Variants in CSMD1 observed in about 807,000 individuals in gnomAD.
CSMD1 encodes CUB and sushi domain-containing protein 1.
CSMD1 carries 213 observed loss-of-function variants against 417.5 expected under a neutral mutation model. The observed-to-expected ratio is 0.51, with a 90% CI of 0.46 to 0.57. CSMD1 has a LOEUF of 0.57. CSMD1 is among the 20% of genes least tolerant of loss of function. The probability of loss-of-function intolerance (pLI) is 0.00; values close to 1 mark genes in which losing one functional copy is unlikely to be tolerated. For synonymous variants in CSMD1, 2,862 were observed against 1,736.8 expected, an observed-to-expected ratio of 1.65 and a Z score of -16.11; for missense variants, 6,923 against 4,529.7, an observed-to-expected ratio of 1.53 and a Z score of -15.17.
chr8:4,311,839 C>A (rs143752361), intron 3 of CSMD1, among the ~76,000 whole-genome samples: 3 of 151,750 alleles, frequency 2.0e-5, no homozygotes, highest in African/African-American at 4.8e-5. Flanking sequence ...AGGAGAGGAG[C>A]GGAAAAGATC....
At chr8:3,542,866 G>A (rs937157692) in intron 10 of CSMD1, among the ~76,000 whole-genome samples, 1 of 152,156 alleles carries the variant, frequency 6.6e-6, no homozygotes, top group Non-Finnish European at 1.5e-5. Flanking sequence ...GCTTTCCCGT[G>A]TCCCTCAGCT....
chr8:4,207,280 T>A (rs1800035777), intron 3 of CSMD1, among the ~76,000 whole-genome samples: 1 of 152,158 alleles, frequency 6.6e-6, no homozygotes, highest in Non-Finnish European at 1.5e-5. Flanking sequence ...AACTGTACAA[T>A]TATGGCTGGT....
In CSMD1 at chr8:2,982,942, T is replaced by TA. The variant is rs542414460; in HGVS notation, c.8378-4143dup. Among the ~76,000 whole-genome samples, 79 of 152,122 alleles carry TA rather than the reference T, an allele frequency of 5.2e-4. No individual in the cohort carries two copies. In the East Asian group the frequency reaches 0.015, roughly 28 times the overall value. On this transcript the variant is annotated intron_variant, in intron 54 of 69. Transcript: ENST00000635120. Reference sequence around the variant, plus strand: ...TGAAGGGCAGTAACAGGGCATCACATAAGAGTCTGGTGTCCTCTCCATGGC... The same window carrying TA: ...TGAAGGGCAGTAACAGGGCATCACATAAAGAGTCTGGTGTCCTCTCCATGGC...
intron 3 of CSMD1, among the ~76,000 whole-genome samples, chr8:4,088,104 G>C (rs1056455095): frequency 3.3e-5 from 5 of 152,222 alleles, no homozygotes; most frequent in Non-Finnish European, 7.3e-5. Context: ...AGGAGAAAGA[G>C]GAAGGATAGC....
intron 10 of CSMD1, among the ~76,000 whole-genome samples, chr8:3,495,818 G>C (rs1451958043): frequency 6.6e-6 from 1 of 152,186 alleles, no homozygotes; most frequent in Admixed American, 6.5e-5. Context: ...AGTTCCTACA[G>C]CATATGCACC....
intron 10 of CSMD1, among the ~76,000 whole-genome samples, chr8:3,569,188 C>T (rs1370426337): frequency 1.3e-5 from 2 of 152,100 alleles, no homozygotes; most frequent in Non-Finnish European, 2.9e-5. Flanking sequence ...TTATAACTTC[C>T]TGAATAGAAA....
At chr8:3,846,700 C>T (rs1803528505) in intron 5 of CSMD1, among the ~76,000 whole-genome samples, 1 of 152,100 alleles carries the variant, frequency 6.6e-6, no homozygotes, top group Non-Finnish European at 1.5e-5. Context: ...CTCTGTCGCC[C>T]AGGCTGGAGT....
At chr8:4,323,671 C>T (rs1332290555) in intron 3 of CSMD1, among the ~76,000 whole-genome samples, 3 of 152,054 alleles carry the variant, frequency 2.0e-5, no homozygotes, top group East Asian at 3.9e-4. Context: ...ACTCTACAAA[C>T]AAGAATTATA....
chr8:3,038,713 ATT>A (rs1445193996), intron 50 of CSMD1, among the ~76,000 whole-genome samples: 1 of 152,152 alleles, frequency 6.6e-6, no homozygotes, highest in East Asian at 1.9e-4. Context: ...TCGCTTAAGT[ATT>A]CTTTCCTAAT....
At chr8:2,956,471 A>AT (rs995365160) in intron 63 of CSMD1, among the ~76,000 whole-genome samples, 1 of 151,576 alleles carries the variant, frequency 6.6e-6, no homozygotes, top group African/African-American at 2.4e-5. Context: ...TTTTTTATTT[A>AT]TTTTTTGAGT....
intron 5 of CSMD1, among the ~76,000 whole-genome samples, chr8:3,925,238 C>G (rs1809566769): frequency 1.3e-5 from 2 of 152,154 alleles, no homozygotes; most frequent in African/African-American, 4.8e-5. Flanking sequence ...TTTACAGCGA[C>G]CTATAAGTAA....
At chr8:4,245,880 G>A (rs187754090) in intron 3 of CSMD1, among the ~76,000 whole-genome samples, 1 of 152,038 alleles carries the variant, frequency 6.6e-6, no homozygotes, top group Admixed American at 6.6e-5. Context: ...ATCTCACAGG[G>A]TATACTTTTC....
chr8:3,578,124 C>T (rs943063812), intron 9 of CSMD1, among the ~76,000 whole-genome samples: 2 of 152,216 alleles, frequency 1.3e-5, no homozygotes, highest in African/African-American at 4.8e-5. Flanking sequence ...CTAGCACACC[C>T]ACTGTCTTCC....
chr8:3,951,384 A>C (rs902566185), intron 5 of CSMD1, among the ~76,000 whole-genome samples: 1 of 152,312 alleles, frequency 6.6e-6, no homozygotes, highest in Middle Eastern at 3.4e-3. Context: ...TTGTTAATTA[A>C]ATGAATGCAA....
At chr8:4,410,156 G>C (rs920939313) in intron 3 of CSMD1, among the ~76,000 whole-genome samples, 5 of 152,108 alleles carry the variant, frequency 3.3e-5, no homozygotes, top group Non-Finnish European at 5.9e-5. Flanking sequence ...GGCTAATCTA[G>C]GCCAAATGGA....
chr8:3,743,528 G>A (rs1440690389), intron 6 of CSMD1, among the ~76,000 whole-genome samples: 1 of 152,172 alleles, frequency 6.6e-6, no homozygotes, highest in Non-Finnish European at 1.5e-5. Context: ...AGAAACAAGG[G>A]TGGTTGCAGG....
At chr8:3,733,359 AAT>A (rs1478954984) in intron 6 of CSMD1, among the ~76,000 whole-genome samples, 2 of 147,846 alleles carry the variant, frequency 1.4e-5, no homozygotes, top group Non-Finnish European at 3.0e-5. Context: ...TTATATATAT[AAT>A]ATATATATAA....
At chr8:3,090,248 C>T (rs1429515569) in intron 48 of CSMD1, among the ~76,000 whole-genome samples, 4 of 130,158 alleles carry the variant, frequency 3.1e-5, no homozygotes, top group African/African-American at 5.7e-5. Flanking sequence ...ACCCGGGAGG[C>T]GGAGCTTGCA....
chr8:3,490,692 C>G (rs920726769), intron 11 of CSMD1, among the ~76,000 whole-genome samples: 4 of 152,046 alleles, frequency 2.6e-5, no homozygotes, highest in African/African-American at 4.8e-5. Flanking sequence ...TAGCAAATAG[C>G]TGGAGCCAGA....
Sources: gnomAD v4.1 joint callset for allele counts (sites outside exome capture counted in the v4.1 genomes callset) on GRCh38, gnomAD v4.1.1 for gene constraint, MANE v1.5 for transcripts, NCBI Gene and HGNC (gene_info 2026-07-23, HGNC 2026-07-21) for gene names.